Variants in MAGI1 observed in about 807,000 individuals in gnomAD.
MAGI1 encodes membrane-associated guanylate kinase, WW and PDZ domain-containing protein 1.
MAGI1 carries 58 observed loss-of-function variants against 139.9 expected under a neutral mutation model. The ratio of observed to expected loss-of-function variants is 0.41; its 90% confidence interval spans 0.34 to 0.52. MAGI1 has a LOEUF of 0.52. MAGI1 is among the 20% of genes least tolerant of loss of function. MAGI1 has a pLI of 0.12. For synonymous variants in MAGI1, 812 were observed against 737.9 expected, an observed-to-expected ratio of 1.10 and a Z score of -1.63; for missense variants, 1,874 against 1,901.6, an observed-to-expected ratio of 0.99 and a Z score of 0.27.
At chr3:65,369,662 C>T (rs1425894200) in intron 18 of MAGI1, among the ~76,000 whole-genome samples, 1 of 152,118 alleles carries the variant, frequency 6.6e-6, no homozygotes, top group Non-Finnish European at 1.5e-5. Context: ...GCACGCGCCA[C>T]CATGCCTGGC....
intron 1 of MAGI1, among the ~76,000 whole-genome samples, chr3:65,715,505 T>G (rs904132600): frequency 3.9e-5 from 6 of 152,226 alleles, no homozygotes; most frequent in African/African-American, 1.4e-4. Flanking sequence ...ATTTGTCTAT[T>G]TCATCTTGAC....
At chr3:65,368,537 C>T (rs1941664285) in intron 18 of MAGI1, among the ~76,000 whole-genome samples, 1 of 152,214 alleles carries the variant, frequency 6.6e-6, no homozygotes, top group Non-Finnish European at 1.5e-5. Flanking sequence ...ACAATTCTAA[C>T]CTTGTTCCCA....
chr3:65,509,526 C>G (rs1027483532), intron 2 of MAGI1, among the ~76,000 whole-genome samples: 3 of 152,192 alleles, frequency 2.0e-5, no homozygotes, highest in Non-Finnish European at 2.9e-5. Flanking sequence ...CCCTTTCCGA[C>G]TCAAAGAAAG....
At position 65,408,307 on chromosome 3, in the gene MAGI1, T is replaced by G. The variant is rs569631975; in HGVS notation, c.2168-6837A>C. 3.3e-5 allele frequency among the ~76,000 whole-genome samples: 5 copies of G among 152,350 alleles called. No homozygotes were observed. The South Asian group carries it at 1.0e-3, about 32-fold the overall frequency. On this transcript the variant is annotated intron_variant, in intron 12 of 22. Transcript: ENST00000402939. ...ACTTGCATTGCTTACTTCGCCTTCT[T>G]TCTTGGAAAGATTTAAAAGACACAT...
At chr3:65,531,638 T>C (rs995311084) in intron 2 of MAGI1, among the ~76,000 whole-genome samples, 4 of 152,144 alleles carry the variant, frequency 2.6e-5, no homozygotes, top group Non-Finnish European at 5.9e-5. Flanking sequence ...ATTGCTCAGA[T>C]GAAGCACTTA....
intron 4 of MAGI1, among the ~76,000 whole-genome samples, chr3:65,471,938 G>A (rs1950582344): frequency 6.6e-6 from 1 of 152,130 alleles, no homozygotes; most frequent in Non-Finnish European, 1.5e-5. Context: ...AGTCCACACA[G>A]AGGAAAGGAG....
intron 1 of MAGI1, among the ~76,000 whole-genome samples, chr3:65,741,267 C>T (rs1268049274): frequency 1.3e-5 from 2 of 151,978 alleles, no homozygotes; most frequent in Non-Finnish European, 2.9e-5. Flanking sequence ...CTCCGCCTCC[C>T]AGGTTCACGC....
intron 1 of MAGI1, among the ~76,000 whole-genome samples, chr3:65,935,449 T>A (rs995701458): frequency 1.3e-5 from 2 of 152,076 alleles, no homozygotes; most frequent in Non-Finnish European, 2.9e-5. Flanking sequence ...TGAGAACCCA[T>A]CTCTACCAAA....
intron 1 of MAGI1, among the ~76,000 whole-genome samples, chr3:65,673,173 C>T (rs1376007357): frequency 2.6e-5 from 4 of 152,044 alleles, no homozygotes; most frequent in Non-Finnish European, 5.9e-5. Context: ...GGACAGCATC[C>T]GTACACTACT....
At chr3:65,866,744 TTTGA>T (rs1245359298) in intron 1 of MAGI1, among the ~76,000 whole-genome samples, 1 of 152,140 alleles carries the variant, frequency 6.6e-6, no homozygotes, top group Non-Finnish European at 1.5e-5. Context: ...GTCTTCTAAG[TTTGA>T]TTGTTTCCTA....
At chr3:65,502,606 C>T (rs2107706562) in intron 2 of MAGI1, among the ~76,000 whole-genome samples, 1 of 152,286 alleles carries the variant, frequency 6.6e-6, no homozygotes, top group Admixed American at 6.5e-5. Flanking sequence ...GGACCCTCTT[C>T]TTGATTTTCA....
intron 2 of MAGI1, among the ~76,000 whole-genome samples, chr3:65,579,974 T>C (rs1270929591): frequency 6.6e-6 from 1 of 152,114 alleles, no homozygotes; most frequent in Non-Finnish European, 1.5e-5. Context: ...ATTATAACAA[T>C]TTCACATGAT....
chr3:65,629,754 A>G (rs1235792551), intron 1 of MAGI1, among the ~76,000 whole-genome samples: 1 of 152,088 alleles, frequency 6.6e-6, no homozygotes, highest in Non-Finnish European at 1.5e-5. Context: ...ATTTTTCTAT[A>G]TTTTTTTCTT....
At chr3:65,387,218 G>C in intron 14 of MAGI1, 1 of 1,613,462 alleles carries the variant, frequency 6.2e-7, no homozygotes, top group South Asian at 1.1e-5. Flanking sequence ...GCAGGTGAAG[G>C]TGACATAGCT....
At chr3:65,982,471 C>T (rs2065636147) in intron 1 of MAGI1, among the ~76,000 whole-genome samples, 1 of 152,190 alleles carries the variant, frequency 6.6e-6, no homozygotes, top group Admixed American at 6.5e-5. Flanking sequence ...GACACCTGGG[C>T]AACTTCCATG....
chr3:65,474,877 G>T (rs2107599965), intron 4 of MAGI1, among the ~76,000 whole-genome samples: 1 of 152,262 alleles, frequency 6.6e-6, no homozygotes, highest in Non-Finnish European at 1.5e-5. Context: ...TGCAGTGGCA[G>T]CTCTGACCCT....
At chr3:65,516,868 C>T (rs1273282537) in intron 2 of MAGI1, among the ~76,000 whole-genome samples, 2 of 143,102 alleles carry the variant, frequency 1.4e-5, no homozygotes, top group Non-Finnish European at 3.1e-5. Context: ...GCTGGGACTA[C>T]AGGCGCCCGC....
chr3:65,932,252 C>A (rs1316138154), intron 1 of MAGI1, among the ~76,000 whole-genome samples: 1 of 152,144 alleles, frequency 6.6e-6, no homozygotes, highest in East Asian at 1.9e-4. Context: ...TGTTCGAAGA[C>A]TATGGATTAT....
At chr3:65,387,538 T>C (rs1040128260) in intron 14 of MAGI1, among the ~76,000 whole-genome samples, 1 of 152,212 alleles carries the variant, frequency 6.6e-6, no homozygotes, top group Admixed American at 6.5e-5. Flanking sequence ...ACTTCAATCA[T>C]GGTTTGTCTA....
Sources: allele counts gnomAD v4.1 joint callset (sites outside exome capture counted in the v4.1 genomes callset), GRCh38; gene constraint gnomAD v4.1.1; transcripts MANE v1.5; gene names NCBI Gene and HGNC (gene_info 2026-07-23, HGNC 2026-07-21).